The following SAP18 variants were observed in gnomAD, a reference collection of about 807,000 sequenced individuals.
SAP18 encodes the protein Sin3A associated protein 18.
A neutral mutation model predicts 18.6 loss-of-function variants in SAP18; 4 were observed. That is an observed-to-expected ratio of 0.21 (90% CI 0.11 to 0.49). The LOEUF is 0.49. SAP18 is among the 20% of genes least tolerant of loss of function. The pLI is 0.98. For synonymous variants in SAP18, 112 were observed against 82.8 expected (o/e 1.35, Z -1.92); for missense variants, 170 against 226.4 (o/e 0.75, Z 1.60).
At chr13:21,148,815 A>C (rs1054108795) in exon 4 of SAP18, 1 of 152,218 alleles carries the variant, frequency 6.6e-6, no homozygotes, top group African/African-American at 2.4e-5. Context: ...GGTAGGAACT[A>C]AATAAAGGAC....
intron 2 of SAP18, among the ~76,000 whole-genome samples, chr13:21,145,212 G>A (rs867131197): frequency 1.3e-5 from 2 of 151,392 alleles, no homozygotes; most frequent in African/African-American, 4.8e-5. Context: ...GATTACAGGC[G>A]TGCACCAAAC....
At chr13:21,146,907 T>C (rs1171086216) in exon 3 of SAP18, 1 of 1,611,376 alleles carries the variant, frequency 6.2e-7, no homozygotes, top group Non-Finnish European at 8.5e-7. Flanking sequence ...TTTTTACAGA[T>C]GTTAAAAGAC....
At chr13:21,141,610 C>G (rs1010035984) in intron 2 of SAP18, 1 of 154,022 alleles carries the variant, frequency 6.5e-6, no homozygotes, top group Non-Finnish European at 1.4e-5. Flanking sequence ...TGGATTGACA[C>G]CATAATGGCT....
intron 2 of SAP18, among the ~76,000 whole-genome samples, chr13:21,143,531 T>G (rs921011808): frequency 9.2e-5 from 14 of 152,120 alleles, no homozygotes; most frequent in African/African-American, 3.1e-4. Context: ...TTGATGAAAA[T>G]CTCTTCAGAA....
intron 2 of SAP18, among the ~76,000 whole-genome samples, chr13:21,142,289 AAT>A (rs1869496383): frequency 6.6e-6 from 1 of 151,322 alleles, no homozygotes. Flanking sequence ...TCTGTCTCAA[AAT>A]ATATATGTGT....
chr13:21,147,441 C>T, exon 4 of SAP18: 1 of 1,094,038 alleles, frequency 9.1e-7, no homozygotes, highest in Non-Finnish European at 1.3e-6. Context: ...CCTTTAAATT[C>T]TAAACAAATT....
intron 3 of SAP18, 46 bp from the exon 4 acceptor site, chr13:21,147,140 G>A (rs1265367286): frequency 1.9e-6 from 3 of 1,576,720 alleles, no homozygotes; most frequent in Non-Finnish European, 2.6e-6. Context: ...TACATACTGG[G>A]TTTCATTGAT....
intron 1 of SAP18, 63 bp from the exon 2 acceptor site, chr13:21,140,823 A>G (rs751434418): frequency 8.3e-6 from 13 of 1,572,740 alleles, no homozygotes; most frequent in East Asian, 2.2e-5. Flanking sequence ...GGGAAGAGAG[A>G]TGAGCTCCGG....
At chr13:21,147,906 C>T (rs1383557449) in exon 4 of SAP18, 1 of 152,262 alleles carries the variant, frequency 6.6e-6, no homozygotes, top group Non-Finnish European at 1.5e-5. Flanking sequence ...ACAATGAGCA[C>T]TTAAGTTTTT....
chr13:21,147,107 C>A, intron 3 of SAP18, 79 bp from the exon 4 acceptor site: 1 of 1,481,094 alleles, frequency 6.8e-7, no homozygotes, highest in Non-Finnish European at 9.1e-7. Context: ...TGGAGAAAAT[C>A]CAGTGCCATA....
intron 2 of SAP18, among the ~76,000 whole-genome samples, chr13:21,143,638 C>T (rs1162880456): frequency 1.3e-5 from 2 of 152,186 alleles, no homozygotes; most frequent in Non-Finnish European, 2.9e-5. Context: ...TACTGCTCCT[C>T]CCTGTAGTAA....
chr13:21,147,497 A>G (rs1565987214), exon 4 of SAP18: 8 of 673,714 alleles, frequency 1.2e-5, no homozygotes, highest in South Asian at 9.8e-5. Context: ...GTGCTATTGT[A>G]TGATTACGAA....
intron 2 of SAP18, among the ~76,000 whole-genome samples, chr13:21,141,832 A>G (rs1464100824): frequency 1.3e-5 from 2 of 151,590 alleles, no homozygotes; most frequent in African/African-American, 4.8e-5. Flanking sequence ...ACGCCTGGCT[A>G]ATTTTTGTAT....
At chr13:21,141,562 C>T (rs1226184711) in intron 2 of SAP18, 1 of 159,398 alleles carries the variant, frequency 6.3e-6, no homozygotes, top group Non-Finnish European at 1.4e-5. Flanking sequence ...TCCCTACAAA[C>T]TACTGTGGGC....
chr13:21,143,989 G>T (rs927884724), intron 2 of SAP18, among the ~76,000 whole-genome samples: 2 of 152,188 alleles, frequency 1.3e-5, no homozygotes, highest in African/African-American at 4.8e-5. Flanking sequence ...GGTTAAATAG[G>T]CAGTCCCAAG....
chr13:21,144,448 T>C (rs1363623721), intron 2 of SAP18, among the ~76,000 whole-genome samples: 2 of 145,724 alleles, frequency 1.4e-5, no homozygotes, highest in African/African-American at 5.1e-5. Flanking sequence ...TTGCAAAGAA[T>C]TTGGTTTACG....
chr13:21,147,649 A>G (rs1032705076), exon 4 of SAP18: 1 of 258,500 alleles, frequency 3.9e-6, no homozygotes, highest in Admixed American at 5.3e-5. Context: ...GGTTTATACT[A>G]AGTAGTGGAG....
intron 2 of SAP18, among the ~76,000 whole-genome samples, chr13:21,142,021 T>G (rs920754665): frequency 2.0e-5 from 3 of 150,672 alleles, no homozygotes; most frequent in Non-Finnish European, 4.4e-5. Flanking sequence ...GCACGGTGGC[T>G]TATGCCTGTA....
intron 2 of SAP18, among the ~76,000 whole-genome samples, chr13:21,144,055 G>T (rs1440909662): frequency 6.6e-6 from 1 of 152,192 alleles, no homozygotes; most frequent in Non-Finnish European, 1.5e-5. Flanking sequence ...GGCAGGCTGT[G>T]TTCACCAAAG....
Sources: gnomAD v4.1 joint callset for allele counts (sites outside exome capture counted in the v4.1 genomes callset) on GRCh38, gnomAD v4.1.1 for gene constraint, MANE v1.5 for transcripts, NCBI Gene and HGNC (gene_info 2026-07-23, HGNC 2026-07-21) for gene names.